TRIM36: variants seen among roughly 807,000 people sequenced by gnomAD.
TRIM36 encodes tripartite motif containing 36.
Under a neutral mutation model 72.4 loss-of-function variants are expected in TRIM36, and 42 were observed. That is an observed-to-expected ratio of 0.58 (90% confidence interval 0.45 to 0.75). The LOEUF (loss-of-function observed/expected upper bound fraction) is 0.75. TRIM36 is among the 30% of genes least tolerant of loss of function. The pLI, the probability that TRIM36 is intolerant of heterozygous loss-of-function variation, is 0.00. For synonymous variants in TRIM36, 315 were observed against 282.8 expected, an observed-to-expected ratio of 1.11 and a Z score of -1.14; for missense variants, 913 against 857.1, an observed-to-expected ratio of 1.07 and a Z score of -0.81.
upstream of TRIM36, chr5:115,169,929 A>G: frequency 7.9e-7 from 1 of 1,272,220 alleles, no homozygotes; most frequent in Non-Finnish European, 9.9e-7. Flanking sequence ...GGCGCCGCGC[A>G]GAGACCTGGG....
rs191170794 is a variant in TRIM36 at position 115,134,428 on chromosome 5, C to G, written c.1211-281G>C. On this transcript the variant is annotated intron_variant, in intron 7 of 9. Coordinates refer to ENST00000513154, the MANE Select transcript of TRIM36 (RefSeq NM_001300759.2). Reference sequence around the variant, plus strand: ...TAAATTTTTTTTAACCACATGCCTTCTACCTACTGAATAACAGCCCAGGAC... The same window carrying G: ...TAAATTTTTTTTAACCACATGCCTTGTACCTACTGAATAACAGCCCAGGAC... Among the ~76,000 whole-genome samples the G allele has an allele frequency of 7.2e-3, 1,096 of 152,190 alleles. 4 individuals carry two copies. The highest frequency in any genetic ancestry group is 0.013 in the South Asian group (64 of 4,822).
At chr5:115,166,656 T>C (rs934157363) in intron 1 of TRIM36, among the ~76,000 whole-genome samples, 1 of 152,140 alleles carries the variant, frequency 6.6e-6, no homozygotes, top group East Asian at 1.9e-4. Context: ...CTGTGTCAAA[T>C]ACACCCTGCT....
At chr5:115,136,499 T>C (rs1389482728) in intron 7 of TRIM36, among the ~76,000 whole-genome samples, 2 of 152,098 alleles carry the variant, frequency 1.3e-5, no homozygotes, top group Non-Finnish European at 1.5e-5. Flanking sequence ...AGCAAACTAA[T>C]ACAGCAATGT....
chr5:115,144,848 C>T, intron 3 of TRIM36, 104 bp from the exon 4 acceptor site: 1 of 1,258,918 alleles, frequency 7.9e-7, no homozygotes, highest in Admixed American at 2.6e-5. Flanking sequence ...TAAATAAAGC[C>T]ATTTAAGTGA....
At chr5:115,160,139 T>C (rs1243196668) in intron 2 of TRIM36, among the ~76,000 whole-genome samples, 1 of 152,176 alleles carries the variant, frequency 6.6e-6, no homozygotes, top group African/African-American at 2.4e-5. Context: ...TGGCTTTTAT[T>C]TGTACATAAT....
At position 115,125,865 on chromosome 5, in the gene TRIM36, A is replaced by G. The variant is rs1752338502; in HGVS notation, c.*638T>C. The G allele has an allele frequency of 6.6e-6, 1 of 152,172 alleles. No homozygotes were observed. 9.4% of individuals were successfully genotyped at this position (152,172 alleles called of 1,614,324 possible). A position where few individuals can be genotyped will look rare whatever the true frequency, so the allele number is the denominator to read the frequency against. On this transcript the variant is annotated 3_prime_UTR_variant, in exon 10 of 10. Transcript: ENST00000513154. Reference sequence around the variant, plus strand: ...GTGTTATGGCTAAGCAGACTCTTAAAATGTCCTTAGCAATACAGTTTGTGG... The same window carrying G: ...GTGTTATGGCTAAGCAGACTCTTAAGATGTCCTTAGCAATACAGTTTGTGG...
intron 1 of TRIM36, among the ~76,000 whole-genome samples, chr5:115,179,143 C>G (rs1755485283): frequency 6.6e-6 from 1 of 152,242 alleles, no homozygotes; most frequent in Admixed American, 6.5e-5. Context: ...GGGCAGTGCA[C>G]TGTGCAGCCT....
At chr5:115,144,185 G>A (rs1428912152) in intron 4 of TRIM36, among the ~76,000 whole-genome samples, 1 of 152,118 alleles carries the variant, frequency 6.6e-6, no homozygotes, top group Non-Finnish European at 1.5e-5. Context: ...GTTTTAAATG[G>A]TAAGTGTGCC....
At chr5:115,161,192 C>G (rs554473936) in intron 2 of TRIM36, among the ~76,000 whole-genome samples, 2 of 137,004 alleles carry the variant, frequency 1.5e-5, no homozygotes, top group South Asian at 2.2e-4. Flanking sequence ...GGGTATGTGT[C>G]TTTAAAAAAA....
At chr5:115,128,757 T>C (rs1477358385) in intron 9 of TRIM36, among the ~76,000 whole-genome samples, 1 of 4,802 alleles carries the variant, frequency 2.1e-4, no homozygotes, top group Non-Finnish European at 4.9e-4. Context: ...AGACTCCGTC[T>C]CAAAAAAAAA....
At chr5:115,172,098 T>G (rs2126952620), upstream of TRIM36, among the ~76,000 whole-genome samples, 1 of 152,370 alleles carries the variant, frequency 6.6e-6, no homozygotes, top group South Asian at 2.1e-4. Context: ...GTTCAAAGTT[T>G]AATAATTCAC....
At chr5:115,164,094 T>C (rs1185074816) in intron 1 of TRIM36, among the ~76,000 whole-genome samples, 3 of 152,198 alleles carry the variant, frequency 2.0e-5, no homozygotes, top group Non-Finnish European at 4.4e-5. Flanking sequence ...ATCCTAAAAG[T>C]AGATCATGTC....
chr5:115,176,823 A>G (rs1344295191), intron 1 of TRIM36, among the ~76,000 whole-genome samples: 2 of 152,218 alleles, frequency 1.3e-5, no homozygotes, highest in Non-Finnish European at 2.9e-5. Context: ...AAAAGAAGCG[A>G]AAAGACAGCT....
At chr5:115,145,673 T>A (rs1044352129) in intron 3 of TRIM36, among the ~76,000 whole-genome samples, 2 of 152,200 alleles carry the variant, frequency 1.3e-5, no homozygotes, top group Non-Finnish European at 2.9e-5. Context: ...ATCACAGGCA[T>A]GTGCCACCAT....
intron 2 of TRIM36, among the ~76,000 whole-genome samples, chr5:115,162,157 G>A (rs1754520111): frequency 6.6e-6 from 1 of 152,098 alleles, no homozygotes; most frequent in Non-Finnish European, 1.5e-5. Flanking sequence ...CTCATCTCCT[G>A]TAACTGTTCT....
At chr5:115,164,269 A>G (rs1302782546) in intron 1 of TRIM36, among the ~76,000 whole-genome samples, 1 of 152,232 alleles carries the variant, frequency 6.6e-6, no homozygotes, top group Non-Finnish European at 1.5e-5. Flanking sequence ...GCAATTTTCT[A>G]CATTAAATGC....
chr5:115,167,189 A>T (rs1040962313), intron 1 of TRIM36, among the ~76,000 whole-genome samples: 6 of 152,192 alleles, frequency 3.9e-5, no homozygotes, highest in African/African-American at 1.4e-4. Context: ...ACACAGCAGC[A>T]GGGCCCTGGG....
intron 1 of TRIM36, among the ~76,000 whole-genome samples, chr5:115,166,887 C>T (rs1316176858): frequency 6.6e-6 from 1 of 152,022 alleles, no homozygotes; most frequent in Non-Finnish European, 1.5e-5. Context: ...AGCAAGGAGC[C>T]GGCGCCCATA....
chr5:115,169,889 C>A lies in TRIM36; in HGVS notation c.-255G>T. 5 of 1,303,086 alleles carry A rather than the reference C, an allele frequency of 3.8e-6. No homozygotes were observed. Among genetic ancestry groups the A allele is most frequent in the South Asian group, 2.1e-5 (1 of 46,574 alleles). 80.7% of individuals were successfully genotyped at this position (1,303,086 alleles called of 1,614,324 possible). A position where few individuals can be genotyped will look rare whatever the true frequency, so the allele number is the denominator to read the frequency against. ...AATCCCGCCCAGCTGCCGGCTGCAG[C>A]AGCGGCTCCTGCGGACTGCGGCTGG... is the stretch of plus-strand genomic sequence containing the variant. On this transcript the variant is annotated 5_prime_UTR_variant, in exon 1 of 10. Coordinates refer to ENST00000513154, the MANE Select transcript of TRIM36 (RefSeq NM_001300759.2).
Sources: allele counts gnomAD v4.1 joint callset (sites outside exome capture counted in the v4.1 genomes callset), GRCh38; gene constraint gnomAD v4.1.1; transcripts MANE v1.5; gene names NCBI Gene and HGNC (gene_info 2026-07-23, HGNC 2026-07-21).